The following NFATC2 variants were observed in gnomAD, a reference collection of about 807,000 sequenced individuals.
The protein encoded by NFATC2 is nuclear factor of activated T-cells, cytoplasmic 2.
Under a neutral mutation model 87.3 loss-of-function variants are expected in NFATC2, and 22 were observed. The observed-to-expected ratio is 0.25, with a 90% CI of 0.18 to 0.36. NFATC2 has a LOEUF of 0.36. Ranked by LOEUF, NFATC2 falls within the 10% of genes least tolerant of loss-of-function variation. The pLI is 1.00. For synonymous variants in NFATC2, 565 were observed against 542.2 expected (o/e 1.04, Z -0.58); for missense variants, 1,149 against 1,259.1 (o/e 0.91, Z 1.32).
intron 1 of NFATC2, among the ~76,000 whole-genome samples, chr20:51,535,248 C>T (rs1377441173): frequency 3.3e-5 from 5 of 152,220 alleles, no homozygotes; most frequent in Admixed American, 6.5e-5. Context: ...ATGACATGAG[C>T]AGGGGAACAT....
At chr20:51,410,013 A>G (rs1201899946) in intron 9 of NFATC2, among the ~76,000 whole-genome samples, 1 of 152,140 alleles carries the variant, frequency 6.6e-6, no homozygotes, top group African/African-American at 2.4e-5. Flanking sequence ...GATGGAGACC[A>G]TCCTGGCTAA....
chr20:51,426,430 A>G (rs1390638621), intron 9 of NFATC2, among the ~76,000 whole-genome samples: 1 of 152,150 alleles, frequency 6.6e-6, no homozygotes, highest in Admixed American at 6.5e-5. Flanking sequence ...GCGAGCCAAG[A>G]TCATGCCACT....
intron 3 of NFATC2, among the ~76,000 whole-genome samples, chr20:51,500,084 T>A (rs145170114): frequency 1.3e-5 from 2 of 152,170 alleles, no homozygotes; most frequent in African/African-American, 4.8e-5. Flanking sequence ...ATCATGACAG[T>A]ACCTACCCTC....
In NFATC2 at chr20:51,540,663, T is replaced by TTTTTTTTTTGTTTTTTTTTTTTTTGTTTG. The variant is rs1555818354; in HGVS notation, c.130+1706_130+1707insCAAACAAAAAAAAAAAAAACAAAAAAAAA. The stretch of plus-strand genomic sequence containing the variant: ...AAAACTGAAGTTTTTTTTTTGTTTT[T>TTTTTTTTTTGTTTTTTTTTTTTTTGTTTG]TTTTTTTTGAGAAAACAGATTCCAG... On this transcript the variant is annotated intron_variant, in intron 1 of 10. Transcript: ENST00000371564. Among the ~76,000 whole-genome samples the TTTTTTTTTTGTTTTTTTTTTTTTTGTTTG allele has an allele frequency of 2.0e-4, 27 of 135,766 alleles. 2 individuals carry two copies. The highest frequency in any genetic ancestry group is 3.0e-4 in the Non-Finnish European group (19 of 63,246). 89.1% of individuals were successfully genotyped at this position (135,766 alleles called of 152,430 possible).
In NFATC2 at chr20:51,432,207, G is replaced by A. The variant is rs368935350; in HGVS notation, c.2582C>T (p.Pro861Leu). The A allele has an allele frequency of 6.2e-7, 1 of 1,613,252 alleles. No homozygotes were observed. Among genetic ancestry groups the A allele is most frequent in the Non-Finnish European group, 8.5e-7 (1 of 1,179,524 alleles). ...GGCATTCTGCTGCTGAATGACTGTGGGGTAGGAACCCGGGCTCAGCCTCTG... is the reference window on the plus strand; with the variant it reads ...GGCATTCTGCTGCTGAATGACTGTGAGGTAGGAACCCGGGCTCAGCCTCTG... ...QGQRLSPGSY[P>L]TVIQQQNATS... is the part of the protein sequence containing the mutation. The change falls in exon 9 of 11, where the codon CCC becomes CTC. Residue 861 changes from proline to leucine, a missense_variant. Physicochemically the swap from Pro to Leu is moderately conservative, Grantham distance 98 (BLOSUM62 -3). This residue lies in a region of NFATC2 where 581 missense variants were observed against 649.7 expected (regional missense o/e 0.89). Transcript: ENST00000371564. The surrounding 1 kb of genome is among the most constrained non-coding windows in gnomAD (Gnocchi z 4.6).
chr20:51,540,663 T>TTTTTTTTTTTTTTTTTTG (rs1555818354), intron 1 of NFATC2, among the ~76,000 whole-genome samples: 5 of 135,690 alleles, frequency 3.7e-5, no homozygotes, highest in African/African-American at 1.1e-4. Context: ...TTTTTGTTTT[T>TTTTTTTTTTTTTTTTTTG]TTTTTTTTGA....
intron 1 of NFATC2, among the ~76,000 whole-genome samples, chr20:51,528,497 GATGTACACACACAT>G (rs1033660485): frequency 3.2e-4 from 49 of 152,186 alleles, no homozygotes; most frequent in African/African-American, 1.1e-3. Flanking sequence ...CGCACAGACA[GATGTACACACACAT>G]ATGTACACAC....
chr20:51,391,276 A>T lies in NFATC2; in HGVS notation c.*220T>A. 9.8e-7 allele frequency: 1 copy of T among 1,021,582 alleles called. No homozygotes were observed. Among genetic ancestry groups the T allele is most frequent in the Non-Finnish European group, 1.6e-6 (1 of 640,786 alleles). 63.3% of individuals were successfully genotyped at this position (1,021,582 alleles called of 1,614,324 possible). Reference sequence around the variant, plus strand: ...AAGTGAGAGTCCGCTTAGTGCCCATACATTGATCCGCGTGTGGACTCCGGG... The same window carrying T: ...AAGTGAGAGTCCGCTTAGTGCCCATTCATTGATCCGCGTGTGGACTCCGGG... On this transcript the variant is annotated 3_prime_UTR_variant, in exon 11 of 11. Transcript: ENST00000371564.
At position 51,408,511 on chromosome 20, in the gene NFATC2, T is replaced by TAAA. The variant is rs376694540; in HGVS notation, c.2723-9782_2723-9781insTTT. Among the ~76,000 whole-genome samples, 765 of 125,278 alleles carry TAAA rather than the reference T, an allele frequency of 6.1e-3. 13 individuals are homozygous for TAAA. Among genetic ancestry groups the TAAA allele is most frequent in the Non-Finnish European group, 8.9e-3 (556 of 62,686 alleles). The allele number at this position is 125,278 out of a possible 152,430, so 82.2% of individuals were successfully genotyped here. The stretch of plus-strand genomic sequence containing the variant: ...CCTGGGGGACTGAGCAAGACTCTTT[T>TAAA]TAAAAAAAAAAAAAAAAAAAGCCAG... On this transcript the variant is annotated intron_variant, in intron 9 of 10. Coordinates refer to ENST00000371564, the MANE Select transcript of NFATC2 (RefSeq NM_012340.5).
intron 3 of NFATC2, among the ~76,000 whole-genome samples, chr20:51,486,069 A>G (rs991657509): frequency 1.3e-5 from 2 of 151,948 alleles, no homozygotes; most frequent in Admixed American, 6.6e-5. Flanking sequence ...AAATGACCCG[A>G]GCGTGGTGGC....
At chr20:51,462,129 TA>T in intron 5 of NFATC2, among the ~76,000 whole-genome samples, 1 of 149,612 alleles carries the variant, frequency 6.7e-6, no homozygotes, top group Non-Finnish European at 1.5e-5. Flanking sequence ...ACAATAAAAA[TA>T]AATTTAAATT....
At chr20:51,549,129 C>G (rs79897695) in intron 1 of NFATC2, among the ~76,000 whole-genome samples, 1 of 152,168 alleles carries the variant, frequency 6.6e-6, no homozygotes, top group African/African-American at 2.4e-5. Flanking sequence ...GTGAAAACCA[C>G]AGCACTTCAG....
intron 6 of NFATC2, among the ~76,000 whole-genome samples, chr20:51,448,914 G>A (rs1985432181): frequency 1.3e-5 from 2 of 152,136 alleles, no homozygotes; most frequent in Non-Finnish European, 2.9e-5. Context: ...TAAATAAGAT[G>A]CCATTTTCCA....
intron 1 of NFATC2, among the ~76,000 whole-genome samples, chr20:51,539,518 C>T (rs910002033): frequency 7.9e-5 from 12 of 152,188 alleles, no homozygotes; most frequent in Admixed American, 5.2e-4. Context: ...GGGTTTCGCA[C>T]TGTCCCATGG....
intron 9 of NFATC2, among the ~76,000 whole-genome samples, chr20:51,400,226 C>T (rs1987853541): frequency 6.6e-6 from 1 of 152,222 alleles, no homozygotes; most frequent in Non-Finnish European, 1.5e-5. Context: ...TTTTGCTCAG[C>T]TGACAGCTCT....
chr20:51,498,319 C>T (rs192691593), intron 3 of NFATC2, among the ~76,000 whole-genome samples: 94 of 152,294 alleles, frequency 6.2e-4, no homozygotes, highest in Non-Finnish European at 2.6e-4. Context: ...ACCTCTCAAC[C>T]GCTGTTCTTG....
chr20:51,436,611 A>C (rs2146356530), intron 6 of NFATC2, among the ~76,000 whole-genome samples: 1 of 152,282 alleles, frequency 6.6e-6, no homozygotes, highest in African/African-American at 2.4e-5. Context: ...GCTACTTGGG[A>C]GGCTGAGGCA....
Position 51,432,518 on chromosome 20 carries a change from G to A in NFATC2, c.2271C>T (p.Ser757=), listed in dbSNP as rs1160595384. 9 of 1,556,308 alleles carry A rather than the reference G, an allele frequency of 5.8e-6. No individual in the cohort carries two copies. The Admixed American group carries it at 1.6e-4, about 27-fold the overall frequency. Reference sequence around the variant, plus strand: ...GATAGCCCAGCAGGCTGGGGCTCAGGCTCTTGCTCCGCTGGTAGAGTACGG... The same window carrying A: ...GATAGCCCAGCAGGCTGGGGCTCAGACTCTTGCTCCGCTGGTAGAGTACGG... ...PAAVLYQRSK[S]LSPSLLGYQQ... Residue 757 remains serine, a synonymous_variant, in exon 9 of 11, where the codon AGC becomes AGT. Transcript: ENST00000371564. This position sits in a 1 kb window ranked among gnomAD's most constrained non-coding sequence, Gnocchi z 4.6.
intron 9 of NFATC2, among the ~76,000 whole-genome samples, chr20:51,415,354 G>A (rs1478878310): frequency 6.6e-6 from 1 of 151,982 alleles, no homozygotes; most frequent in African/African-American, 2.4e-5. Flanking sequence ...CATTTAGCCT[G>A]TTTCTAGTCT....
Sources: gnomAD v4.1 joint callset for allele counts (sites outside exome capture counted in the v4.1 genomes callset) on GRCh38, gnomAD v4.1.1 for gene constraint, gnomAD v4.1.1 regional missense constraint, Gnocchi (gnomAD v3.1) non-coding constraint, MANE v1.5 for transcripts, NCBI Gene and HGNC (gene_info 2026-07-23, HGNC 2026-07-21) for gene names.